Variants in TENM1 observed in about 807,000 individuals in gnomAD.
TENM1 encodes teneurin-1.
In TENM1, 35 loss-of-function variants were observed where a neutral mutation model predicts 174.8. The ratio of observed to expected loss-of-function variants is 0.20; its 90% CI spans 0.15 to 0.27. The LOEUF (loss-of-function observed/expected upper bound fraction) is 0.27. TENM1 is among the 10% of genes least tolerant of loss of function. The pLI, the probability that TENM1 is intolerant of heterozygous loss-of-function variation, is 1.00. For missense variants in TENM1, 1,633 were observed against 2,130.1 expected, an observed-to-expected ratio of 0.77 and a Z score of 4.59; for synonymous variants, 781 against 798.7, an observed-to-expected ratio of 0.98 and a Z score of 0.37.
the TENM1 span, among the ~76,000 whole-genome samples, chrX:125,026,847 A>G: frequency 8.9e-6 from 1 of 112,316 alleles, no homozygotes; most frequent in Non-Finnish European, 1.9e-5. Flanking sequence ...GTTCATTTAA[A>G]TGTGATGAAG....
chrX:124,454,756 A>C (rs1340303905), intron 22 of TENM1, among the ~76,000 whole-genome samples: 1 of 112,157 alleles, frequency 8.9e-6, no homozygotes, highest in African/African-American at 3.2e-5. Context: ...GATACACTTT[A>C]AGAACATATG....
At chrX:125,077,237 G>C in the TENM1 span, among the ~76,000 whole-genome samples, 1 of 110,632 alleles carries the variant, frequency 9.0e-6, no homozygotes, top group African/African-American at 3.3e-5. Context: ...CTTATATATA[G>C]TACTAAGGAA....
chrX:124,952,136 G>T (rs935055714), intron 1 of TENM1, among the ~76,000 whole-genome samples: 2 of 111,204 alleles, frequency 1.8e-5, no homozygotes, highest in Admixed American at 1.9e-4. Flanking sequence ...AGAGTATGTG[G>T]GATGGGAAGC....
chrX:124,484,489 C>T (rs756199646), intron 21 of TENM1, among the ~76,000 whole-genome samples: 2 of 111,893 alleles, frequency 1.8e-5, no homozygotes, highest in South Asian at 7.5e-4. Flanking sequence ...TTTATCTCGT[C>T]TCCATCTATT....
chrX:124,492,194 T>A (rs1569534492), intron 20 of TENM1, among the ~76,000 whole-genome samples: 1 of 111,699 alleles, frequency 9.0e-6, no homozygotes, highest in East Asian at 2.8e-4. Flanking sequence ...AATAACATAA[T>A]GGCTATATTC....
chrX:124,961,181 T>C (rs993751888), intron 1 of TENM1, among the ~76,000 whole-genome samples: 8 of 112,237 alleles, frequency 7.1e-5, no homozygotes, highest in Non-Finnish European at 1.3e-4. Context: ...AGAATAGTTT[T>C]CAATGCATGA....
intron 23 of TENM1, among the ~76,000 whole-genome samples, chrX:124,425,041 C>T (rs2060695701): frequency 9.0e-6 from 1 of 111,631 alleles, no homozygotes; most frequent in South Asian, 3.8e-4. Flanking sequence ...CGGTGTCCTC[C>T]AAGCTCATTT....
the TENM1 span, among the ~76,000 whole-genome samples, chrX:125,050,713 T>G: frequency 8.1e-5 from 9 of 111,243 alleles, no homozygotes; most frequent in Non-Finnish European, 1.7e-4. Flanking sequence ...TATTTCTAGT[T>G]CTAGATCCCT....
intron 23 of TENM1, among the ~76,000 whole-genome samples, chrX:124,449,675 T>C (rs969304891): frequency 8.9e-6 from 1 of 112,021 alleles, no homozygotes; most frequent in African/African-American, 3.2e-5. Context: ...TTCTGCAGCA[T>C]TTTGAATCAT....
chrX:124,646,288 A>C (rs1383043734), intron 9 of TENM1, among the ~76,000 whole-genome samples: 1 of 112,083 alleles, frequency 8.9e-6, no homozygotes, highest in African/African-American at 3.2e-5. Context: ...ATTGGTGTGT[A>C]CAAGCAGTTA....
rs148280398 is a variant in TENM1 at position 124,697,865 on chromosome X, C to T, written c.1015+7148G>A. Among the ~76,000 whole-genome samples, 392 of 111,326 alleles carry T rather than the reference C, an allele frequency of 3.5e-3. 2 individuals carry two copies. The East Asian group carries it at 0.058, about 16-fold the overall frequency. On this transcript the variant is annotated intron_variant, in intron 5 of 31. Transcript: ENST00000422452. ...TCATAGCTACTTTTGCATGTAAATT[C>T]TTGTGATTTCACATGTCATGTGGTC...
chrX:124,518,186 G>C (rs1386957321), intron 18 of TENM1, among the ~76,000 whole-genome samples: 6 of 110,779 alleles, frequency 5.4e-5, no homozygotes, highest in Non-Finnish European at 1.1e-4. Context: ...CTACTAGACA[G>C]GGGCTGCTAT....
intron 3 of TENM1, among the ~76,000 whole-genome samples, chrX:124,738,157 G>A (rs1000244781): frequency 3.6e-5 from 4 of 111,794 alleles, no homozygotes; most frequent in African/African-American, 1.3e-4. Context: ...TAGATGTCAA[G>A]TGATTTCTTG....
the TENM1 span, among the ~76,000 whole-genome samples, chrX:125,098,068 C>G: frequency 9.0e-6 from 1 of 111,626 alleles, no homozygotes; most frequent in Non-Finnish European, 1.9e-5. Context: ...TCGAGACCAT[C>G]CTGGCTAACA....
At chrX:124,674,166 T>TG (rs2051996810) in intron 5 of TENM1, among the ~76,000 whole-genome samples, 1 of 108,927 alleles carries the variant, frequency 9.2e-6, no homozygotes, top group Non-Finnish European at 1.9e-5. Flanking sequence ...AGGCAATAGT[T>TG]GAAGTTGTGA....
At chrX:124,918,182 A>T (rs1484981374) in intron 1 of TENM1, among the ~76,000 whole-genome samples, 5 of 101,983 alleles carry the variant, frequency 4.9e-5, no homozygotes, top group Admixed American at 3.2e-4. Flanking sequence ...AAGATACTGA[A>T]TTTTTTTTTT....
At chrX:124,434,985 A>G (rs1187504738) in intron 23 of TENM1, among the ~76,000 whole-genome samples, 1 of 111,905 alleles carries the variant, frequency 8.9e-6, no homozygotes, top group Non-Finnish European at 1.9e-5. Context: ...TTCATTAAAT[A>G]TCTACTGTAT....
intron 3 of TENM1, among the ~76,000 whole-genome samples, chrX:124,802,112 A>C (rs1018703520): frequency 1.8e-5 from 2 of 111,616 alleles, no homozygotes; most frequent in Non-Finnish European, 3.8e-5. Context: ...TACTTCTGTC[A>C]ATTTGCCCAT....
At position 124,553,751 on chromosome X, in the gene TENM1, A is replaced by G. The variant is rs779882326; in HGVS notation, c.2435-6661T>C. Among the ~76,000 whole-genome samples the G allele has an allele frequency of 3.6e-5, 4 of 110,702 alleles. No individual in the cohort carries two copies. In the Admixed American group the frequency reaches 3.9e-4, roughly 11 times the overall value. ...AGAATATAAGCTTTATGGAAGCATG[A>G]ATTTTATCTTTTTTATGCATTGCTA... On this transcript the variant is annotated intron_variant, in intron 14 of 31. Coordinates refer to ENST00000422452, the Ensembl canonical transcript of TENM1.
Sources: allele counts gnomAD v4.1 joint callset (sites outside exome capture counted in the v4.1 genomes callset), GRCh38; gene constraint gnomAD v4.1.1; transcripts MANE v1.5; gene names NCBI Gene and HGNC (gene_info 2026-07-23, HGNC 2026-07-21).